MTMR11: variants seen among roughly 807,000 people sequenced by gnomAD.
MTMR11 encodes the protein myotubularin related protein 11, also known as myotubularin-related protein 11.
MTMR11 carries 89 observed loss-of-function variants against 100.0 expected under a neutral mutation model. The observed-to-expected ratio is 0.89, with a 90% confidence interval of 0.75 to 1.06. The LOEUF is 1.06. Among genes scored for constraint, MTMR11 ranks in the 50% least tolerant of loss-of-function variants. MTMR11 has a pLI of 0.00. For missense variants in MTMR11, 809 were observed against 873.7 expected (o/e 0.93, Z 0.93); for synonymous variants, 336 against 326.3 (o/e 1.03, Z -0.32).
At chr1:149,929,977 C>T in intron 15 of MTMR11, 61 bp from the exon 16 acceptor site, 1 of 1,535,430 alleles carries the variant, frequency 6.5e-7, no homozygotes, top group Non-Finnish European at 8.8e-7. Flanking sequence ...TTTCCCCAAT[C>T]TGGATCAGGA....
rs1553768399 is a variant in MTMR11, at chr1:149,934,176, G to C, written c.683+15C>G. The C allele has an allele frequency of 1.2e-6, 2 of 1,613,566 alleles. No individual in the cohort carries two copies. On this transcript the variant is annotated intron_variant, in intron 7 of 16. Coordinates refer to ENST00000439741, the MANE Select transcript of MTMR11 (RefSeq NM_001145862.2). ...ATTGGGAGAGCAGCAGGGTTGGGGT[G>C]CACTGGGGGATCACCTGGTGGCTAC...
At chr1:149,936,004 C>T in intron 2 of MTMR11, 150 bp downstream of exon 2, 1 of 912,068 alleles carries the variant, frequency 1.1e-6, no homozygotes, top group Non-Finnish European at 1.8e-6. Context: ...TCTCAGCCAG[C>T]TCTAGAGGCT....
At chr1:149,932,906 A>G (rs1381620838) in intron 10 of MTMR11, among the ~76,000 whole-genome samples, 16 of 150,324 alleles carry the variant, frequency 1.1e-4, no homozygotes, top group African/African-American at 3.9e-4. Context: ...AGCCGAGATC[A>G]CGCCACTGCA....
rs782817544 is a variant in MTMR11 at position 149,934,346 on chromosome 1, T to C, written c.548-20A>G. ...CCTGGCCTAGAACAGGAGTGAGACA[T>C]AGAGGAGGAAGGAGAAAATCAGAGA... is the stretch of plus-strand genomic sequence containing the variant. On this transcript the variant is annotated intron_variant, in intron 6 of 16. Transcript: ENST00000439741. The C allele has an allele frequency of 3.7e-6, 6 of 1,613,936 alleles. No homozygotes were observed. The highest frequency in any genetic ancestry group is 2.7e-5 in the African/African-American group (2 of 74,912).
chr1:149,936,712 T>A lies in MTMR11; in HGVS notation c.-65A>T, dbSNP rs1442317684. 3.7e-6 allele frequency: 4 copies of A among 1,086,004 alleles called. No individual in the cohort carries two copies. Among genetic ancestry groups the A allele is most frequent in the African/African-American group, 1.6e-5 (1 of 64,200 alleles). The allele number at this position is 1,086,004 out of a possible 1,614,324, so 67.3% of individuals were successfully genotyped here. A position where few individuals can be genotyped will look rare whatever the true frequency, so the allele number is the denominator to read the frequency against. ...GAAACCTCAAGGATGCTCACCCACCTCGGGGAGAGGCTGAGTCTTGTTGAG... is the reference window on the plus strand; with the variant it reads ...GAAACCTCAAGGATGCTCACCCACCACGGGGAGAGGCTGAGTCTTGTTGAG... On this transcript the variant is annotated 5_prime_UTR_variant, in exon 1 of 17. Coordinates refer to ENST00000439741, the MANE Select transcript of MTMR11 (RefSeq NM_001145862.2).
At position 149,934,953 on chromosome 1, in the gene MTMR11, T is replaced by C. The variant is rs782473209; in HGVS notation, c.468+33A>G. The C allele has an allele frequency of 1.2e-5, 19 of 1,608,936 alleles. 1 individual carries two copies. The South Asian group carries it at 2.1e-4, about 18-fold the overall frequency. ...GGGAGAGGATCCCAAGGTTCTGAGG[T>C]GAGGAGAAAGCCTCAGGTTAGGGGC... On this transcript the variant is annotated intron_variant, in intron 5 of 16. Transcript: ENST00000439741.
In MTMR11 at chr1:149,929,282, C is replaced by T; in HGVS notation, c.1977G>A (p.Gln659=). 1 of 1,614,140 alleles carries T rather than the reference C, an allele frequency of 6.2e-7. No homozygotes were observed. The highest frequency in any genetic ancestry group is 2.2e-5 in the East Asian group (1 of 44,894). ...ACTCCTGAAGATGGGATAGCTCATC[C>T]TGGAGGCCAGAGATTGTGGGAGCTG... The part of the protein sequence containing the change: ...GLSAPTISGL[Q]DELSHLQELL... The change falls in exon 17 of 17, where the codon CAG becomes CAA. Residue 659 remains glutamine (Q), a synonymous_variant. Transcript: ENST00000439741.
Position 149,932,414 on chromosome 1 carries a change from A to C in MTMR11, c.986-84T>G, listed in dbSNP as rs587767355. The C allele has an allele frequency of 3.0e-5, 33 of 1,096,388 alleles. No individual in the cohort carries two copies. The African/African-American group carries it at 5.0e-4, about 17-fold the overall frequency. The allele number at this position is 1,096,388 out of a possible 1,614,324, so 67.9% of individuals were successfully genotyped here. A position where few individuals can be genotyped will look rare whatever the true frequency, so the allele number is the denominator to read the frequency against. ...AGGTTGATAGCCTGCTGGGTTAAGA[A>C]CAGGAATGAAAAGTAATTGTAAATG... On this transcript the variant is annotated intron_variant, in intron 10 of 16. Transcript: ENST00000439741.
intron 1 of MTMR11, 89 bp downstream of exon 1, chr1:149,936,493 T>C: frequency 7.9e-7 from 1 of 1,259,312 alleles, no homozygotes; most frequent in Non-Finnish European, 1.1e-6. Flanking sequence ...CTCCTCCTCC[T>C]CCTCTAGAGC....
At chr1:149,932,560 C>T (rs906919489) in intron 10 of MTMR11, among the ~76,000 whole-genome samples, 1 of 152,138 alleles carries the variant, frequency 6.6e-6, no homozygotes, top group East Asian at 1.9e-4. Context: ...CATTATGTCT[C>T]AATAAAGCTG....
chr1:149,930,438 G>A lies in MTMR11; in HGVS notation c.1574C>T (p.Ala525Val), dbSNP rs782744133. 34 of 1,613,908 alleles carry A rather than the reference G, an allele frequency of 2.1e-5. No homozygotes were observed. The highest frequency in any genetic ancestry group is 6.7e-5 in the African/African-American group (5 of 74,894). Residue 525 changes from alanine (A) to valine (V), a missense_variant, in exon 15 of 17, where the codon GCA becomes GTA. Coordinates refer to ENST00000439741, the MANE Select transcript of MTMR11 (RefSeq NM_001145862.2). ...VWDWDLRYSN[A>V]QILQFQNPGY... ...AGGATTCTGGAATTGTAGTATCTGT[G>A]CATTGCTATAACGTAAATCCCAGTC...
At chr1:149,931,566 A>G in intron 12 of MTMR11, 140 bp from the exon 13 acceptor site, 1 of 741,894 alleles carries the variant, frequency 1.3e-6, no homozygotes, top group East Asian at 2.8e-5. Flanking sequence ...GAGAAAGCAC[A>G]TAGAAGTGAA....
At chr1:149,931,179 C>T in intron 13 of MTMR11, 81 bp downstream of exon 13, 8 of 1,580,058 alleles carry the variant, frequency 5.1e-6, no homozygotes, top group Non-Finnish European at 6.0e-6. Flanking sequence ...GGATTCACCT[C>T]CAATGGATTA....
intron 15 of MTMR11, 118 bp from the exon 16 acceptor site, chr1:149,930,034 A>G: frequency 1.8e-6 from 2 of 1,081,552 alleles, no homozygotes; most frequent in Non-Finnish European, 2.6e-6. Flanking sequence ...GACTAGAACT[A>G]CAAGCCTCCC....
At chr1:149,930,141 A>C (rs1454069021) in intron 15 of MTMR11, 9 of 674,036 alleles carry the variant, frequency 1.3e-5, no homozygotes, top group African/African-American at 3.6e-5. Flanking sequence ...CGAGACAGGA[A>C]GATGAGTAAA....
chr1:149,936,118 T>C (rs1553769128), intron 2 of MTMR11, 36 bp downstream of exon 2: 3 of 1,585,402 alleles, frequency 1.9e-6, no homozygotes, highest in Non-Finnish European at 2.6e-6. Context: ...TAGGATGAAA[T>C]TTGGAAGTCT....
Position 149,929,892 on chromosome 1 carries a change from G to A in MTMR11, c.1672C>T (p.Pro558Ser), listed in dbSNP as rs781996074. The change falls in exon 16 of 17, where the codon CCC (proline) becomes TCC (serine). Residue 558 changes from proline (P) to serine (S), a missense_variant. Pro to Ser is a moderately conservative substitution (Grantham distance 74). Transcript: ENST00000439741. The stretch of plus-strand genomic sequence containing the variant: ...CTAGAGAAGAGCCACACAGAACTGG[G>A]GGGTCCAGGAACCATGAAGCTTGGC... ...PQPSFMVPGP[P>S]SSVWLFSRGA... 6.2e-7 allele frequency: 1 copy of A among 1,613,434 alleles called. No homozygotes were observed. Among genetic ancestry groups the A allele is most frequent in the African/African-American group, 1.3e-5 (1 of 74,986 alleles).
At chr1:149,932,093 G>A in intron 11 of MTMR11, 79 bp from the exon 12 acceptor site, 3 of 1,433,300 alleles carry the variant, frequency 2.1e-6, no homozygotes, top group South Asian at 1.1e-5. Flanking sequence ...TCATGGGATG[G>A]AATAAGGCCG....
In MTMR11 at chr1:149,930,957, C is replaced by T. The variant is rs782152584; in HGVS notation, c.1299G>A (p.Val433=). The T allele has an allele frequency of 1.9e-6, 3 of 1,596,658 alleles. No homozygotes were observed. Among genetic ancestry groups the T allele is most frequent in the African/African-American group, 2.7e-5 (2 of 73,424 alleles). ...AGACACAATCAAGGAAGAGGAGAAA[C>T]ACCGGAGCCTGAAAAGAAATTAAGA... ...GGTGASEEAP[V]FLLFLDCVWQ... The change falls in exon 14 of 17, where the codon GTG becomes GTA. Residue 433 remains valine (V), a synonymous_variant. Coordinates refer to ENST00000439741, the MANE Select transcript of MTMR11 (RefSeq NM_001145862.2).
Sources: allele counts gnomAD v4.1 joint callset (sites outside exome capture counted in the v4.1 genomes callset), GRCh38; gene constraint gnomAD v4.1.1; transcripts MANE v1.5; gene names NCBI Gene and HGNC (gene_info 2026-07-23, HGNC 2026-07-21).